The following ARHGEF1 variants were observed in gnomAD, a reference collection of about 807,000 sequenced individuals.
The protein encoded by ARHGEF1 is 115 kDa guanine nucleotide exchange factor.
In ARHGEF1, 40 loss-of-function variants were observed where a neutral mutation model predicts 119.7. The observed-to-expected ratio is 0.33, with a 90% CI of 0.26 to 0.44. The LOEUF (loss-of-function observed/expected upper bound fraction) is 0.44. Among genes scored for constraint, ARHGEF1 ranks in the 20% least tolerant of loss-of-function variants. The pLI is 1.00. For missense variants in ARHGEF1, 976 were observed against 1,268.3 expected (o/e 0.77, Z 3.50); for synonymous variants, 494 against 521.0 (o/e 0.95, Z 0.71).
downstream of ARHGEF1, chr19:41,909,414 C>T: frequency 1.6e-6 from 2 of 1,237,630 alleles, no homozygotes; most frequent in East Asian, 6.3e-5. This position sits in a 1 kb window ranked among gnomAD's most constrained non-coding sequence, Gnocchi z 5.2. Flanking sequence ...TGAAGTTGAA[C>T]TTGTAGGTGA....
At chr19:41,927,610 A>C (rs573644462) in intron 1 of ARHGEF1, among the ~76,000 whole-genome samples, 2 of 152,042 alleles carry the variant, frequency 1.3e-5, no homozygotes, top group East Asian at 3.9e-4. Context: ...CTAGGTCCCA[A>C]ATATGCAAGC....
intron 14 of ARHGEF1, among the ~76,000 whole-genome samples, chr19:41,900,553 G>A (rs961744164): frequency 2.0e-5 from 3 of 152,146 alleles, no homozygotes; most frequent in Non-Finnish European, 2.9e-5. Context: ...CTCCGGGGAT[G>A]TGGGGGTCCC....
intron 18 of ARHGEF1, among the ~76,000 whole-genome samples, chr19:41,914,330 A>C (rs1599673826): frequency 1.6e-4 from 19 of 119,000 alleles, no homozygotes; most frequent in East Asian, 5.3e-4. Flanking sequence ...TCCCCCCACC[A>C]TCTCCCTTCC....
intron 14 of ARHGEF1, among the ~76,000 whole-genome samples, chr19:41,900,674 A>G (rs1175602253): frequency 6.6e-6 from 1 of 151,682 alleles, no homozygotes; most frequent in Non-Finnish European, 1.5e-5. Context: ...TTTGCTCAGG[A>G]TATTCACAGT....
In ARHGEF1 at chr19:41,888,636, A is replaced by T; in HGVS notation, c.112-116A>T. The T allele has an allele frequency of 1.1e-6, 1 of 943,276 alleles. No individual in the cohort carries two copies. The highest frequency in any genetic ancestry group is 1.6e-6 in the Non-Finnish European group (1 of 612,654). The allele number at this position is 943,276 out of a possible 1,614,324, so 58.4% of individuals were successfully genotyped here. Reference sequence around the variant, plus strand: ...TTTTTGGACACTGTCACCACTCCCCACTTCCCAGGAGCTAACCCTGGCTTG... The same window carrying T: ...TTTTTGGACACTGTCACCACTCCCCTCTTCCCAGGAGCTAACCCTGGCTTG... On this transcript the variant is annotated intron_variant, in intron 3 of 28. Transcript: ENST00000354532. This position sits in a 1 kb window ranked among gnomAD's most constrained non-coding sequence, Gnocchi z 5.1.
In ARHGEF1 at chr19:41,888,047, C is replaced by T. The variant is rs2074321370; in HGVS notation, c.-19-17C>T. ...CTCCTCCCACCCTCCTAACCACAGC[C>T]CCTCCTCTTCCTCCAGCCCTGCAGA... On this transcript the variant is annotated splice_polypyrimidine_tract_variant and intron_variant, in intron 1 of 28. Coordinates refer to ENST00000354532, the MANE Select transcript of ARHGEF1 (RefSeq NM_004706.4). The surrounding 1 kb of genome is among the most constrained non-coding windows in gnomAD (Gnocchi z 5.1). The T allele has an allele frequency of 6.2e-7, 1 of 1,611,444 alleles. No homozygotes were observed. Among genetic ancestry groups the T allele is most frequent in the African/African-American group, 1.3e-5 (1 of 74,766 alleles).
At chr19:41,898,129 C>A in intron 13 of ARHGEF1, 2 of 1,395,236 alleles carry the variant, frequency 1.4e-6, no homozygotes, top group Non-Finnish European at 1.9e-6. Flanking sequence ...TCAACCCTCT[C>A]CCTTCCCCCA....
Position 41,889,443 on chromosome 19 carries a change from T to C in ARHGEF1, c.225+578T>C, listed in dbSNP as rs1428492978. 6.6e-6 allele frequency: 1 copy of C among 152,304 alleles called. No homozygotes were observed. Among genetic ancestry groups the C allele is most frequent in the African/African-American group, 2.4e-5 (1 of 41,420 alleles). The allele number at this position is 152,304 out of a possible 1,614,324, so 9.4% of individuals were successfully genotyped here. ...TGAGGCAGAAGATACCTGGGAGATG[T>C]GGATGGACAACCGTGCCATCCAGAA... is the stretch of plus-strand genomic sequence containing the variant. On this transcript the variant is annotated intron_variant, in intron 4 of 28. Transcript: ENST00000354532. The surrounding 1 kb of genome is among the most constrained non-coding windows in gnomAD (Gnocchi z 4.0).
upstream of ARHGEF1, among the ~76,000 whole-genome samples, chr19:41,920,073 A>G (rs1193116046): frequency 7.8e-6 from 1 of 128,660 alleles, no homozygotes; most frequent in Non-Finnish European, 1.6e-5. Context: ...GATGTGACAC[A>G]CTCACAGACA....
chr19:41,893,960 G>A (rs1286162261), intron 8 of ARHGEF1, among the ~76,000 whole-genome samples: 2 of 151,704 alleles, frequency 1.3e-5, no homozygotes, highest in African/African-American at 2.4e-5. Flanking sequence ...TGGGTCTGAG[G>A]GAGGAGGAGC....
intron 1 of ARHGEF1, among the ~76,000 whole-genome samples, chr19:41,885,340 C>G (rs2074277478): frequency 1.3e-5 from 2 of 152,248 alleles, no homozygotes. Flanking sequence ...GTGACTTTTC[C>G]AGGCATCCAT....
chr19:41,926,026 A>AG (rs2074868824), intron 1 of ARHGEF1, among the ~76,000 whole-genome samples: 1 of 151,870 alleles, frequency 6.6e-6, no homozygotes, highest in Admixed American at 6.6e-5. Flanking sequence ...GCTTGAGAGG[A>AG]GGAAGAGGTG....
Position 41,903,906 on chromosome 19 carries a change from C to A in ARHGEF1, c.1917+122C>A. 1.5e-6 allele frequency: 2 copies of A among 1,357,564 alleles called. No individual in the cohort carries two copies. Among genetic ancestry groups the A allele is most frequent in the Admixed American group, 3.7e-5 (2 of 53,846 alleles). 84.1% of individuals were successfully genotyped at this position (1,357,564 alleles called of 1,614,324 possible). ...CACCCAGGAAGCGAGAGCTCTGTCC[C>A]CCACCTCATGCCAATCCCATGATCC... On this transcript the variant is annotated intron_variant, in intron 20 of 28. Coordinates refer to ENST00000354532, the MANE Select transcript of ARHGEF1 (RefSeq NM_004706.4). This position sits in a 1 kb window ranked among gnomAD's most constrained non-coding sequence, Gnocchi z 4.2.
chr19:41,897,408 C>A, intron 13 of ARHGEF1: 2 of 1,068,910 alleles, frequency 1.9e-6, no homozygotes, highest in Non-Finnish European at 2.4e-6. Flanking sequence ...CATGGCCACT[C>A]CCTCCCCTTC....
At chr19:41,922,768 C>T (rs966681866), upstream of ARHGEF1, among the ~76,000 whole-genome samples, 7 of 152,132 alleles carry the variant, frequency 4.6e-5, no homozygotes, top group African/African-American at 7.2e-5. Flanking sequence ...GCATCAGGCG[C>T]GGTGCTAATT....
In ARHGEF1 at chr19:41,906,721, T is replaced by G; in HGVS notation, c.2674T>G (p.Cys892Gly). Residue 892 changes from cysteine (C) to glycine (G), a missense_variant, in exon 28 of 29, where the codon TGC becomes GGC. Physicochemically the swap from Cys to Gly is radical, Grantham distance 159 (BLOSUM62 -3). Transcript: ENST00000354532. This position sits in a 1 kb window ranked among gnomAD's most constrained non-coding sequence, Gnocchi z 4.5. ...CCACCAGGAGTTGGAGGAGGAATTT[T>G]GCCGCCTGAGACCCCTCCTGTCTCA... ...KQLEELEEEF[C>G]RLRPLLSQLG... 2 of 1,609,726 alleles carry G rather than the reference T, an allele frequency of 1.2e-6. No homozygotes were observed. The highest frequency in any genetic ancestry group is 1.7e-6 in the Non-Finnish European group (2 of 1,178,376).
chr19:41,900,226 C>T (rs1599654831), intron 14 of ARHGEF1, among the ~76,000 whole-genome samples: 2 of 151,992 alleles, frequency 1.3e-5, no homozygotes, highest in Admixed American at 6.6e-5. Flanking sequence ...CCCAGATACT[C>T]GAGAGAGTAA....
At chr19:41,896,101 G>A (rs2074480603) in intron 12 of ARHGEF1, among the ~76,000 whole-genome samples, 4 of 152,190 alleles carry the variant, frequency 2.6e-5, no homozygotes. Context: ...CTGGTTGGGT[G>A]GGAGAGATGT....
At chr19:41,926,046 G>T (rs563983777) in intron 1 of ARHGEF1, among the ~76,000 whole-genome samples, 18 of 152,164 alleles carry the variant, frequency 1.2e-4, no homozygotes, top group Admixed American at 1.3e-4. Context: ...GAAGAAATAC[G>T]AATGTGTGAG....
Sources: allele counts gnomAD v4.1 joint callset (sites outside exome capture counted in the v4.1 genomes callset), GRCh38; gene constraint gnomAD v4.1.1; non-coding constraint Gnocchi (gnomAD v3.1); transcripts MANE v1.5; gene names NCBI Gene and HGNC (gene_info 2026-07-23, HGNC 2026-07-21).